The following ADCY5 variants were observed in gnomAD, a reference collection of about 807,000 sequenced individuals.
The protein encoded by ADCY5 is adenylate cyclase 5.
ADCY5 carries 30 observed loss-of-function variants against 119.7 expected under a neutral mutation model. That is an observed-to-expected ratio of 0.25 (90% CI 0.19 to 0.34). ADCY5 has a LOEUF of 0.34. ADCY5 is among the 10% of genes least tolerant of loss of function. ADCY5 has a pLI of 1.00. For synonymous variants in ADCY5, 753 were observed against 762.2 expected (o/e 0.99, Z 0.20); for missense variants, 1,324 against 1,775.2 (o/e 0.75, Z 4.57).
chr3:123,322,221 C>T (rs1282952661), intron 8 of ADCY5, among the ~76,000 whole-genome samples: 1 of 152,238 alleles, frequency 6.6e-6, no homozygotes, highest in Non-Finnish European at 1.5e-5. Flanking sequence ...CACTCAATTC[C>T]ATCCCAGGAG....
At chr3:123,379,763 A>G (rs1360008764) in intron 1 of ADCY5, among the ~76,000 whole-genome samples, 1 of 152,170 alleles carries the variant, frequency 6.6e-6, no homozygotes, top group African/African-American at 2.4e-5. Flanking sequence ...GGAGCCTCCA[A>G]GTCTCAGCCA....
chr3:123,433,810 C>T (rs1426874031), intron 1 of ADCY5, among the ~76,000 whole-genome samples: 1 of 152,166 alleles, frequency 6.6e-6, no homozygotes, highest in African/African-American at 2.4e-5. Context: ...TGTGCGGCAG[C>T]CTCACCCCAG....
At chr3:123,430,611 C>T (rs1032465670) in intron 1 of ADCY5, among the ~76,000 whole-genome samples, 4 of 152,234 alleles carry the variant, frequency 2.6e-5, no homozygotes, top group African/African-American at 4.8e-5. Flanking sequence ...AGAAATATTC[C>T]ACTTTAAAAA....
chr3:123,324,191 G>T (rs1941358088), intron 8 of ADCY5, among the ~76,000 whole-genome samples: 1 of 152,068 alleles, frequency 6.6e-6, no homozygotes, highest in Non-Finnish European at 1.5e-5. Flanking sequence ...CGTATCATCT[G>T]CTACATGTTG....
At chr3:123,296,257 C>A (rs1939499529) in intron 16 of ADCY5, 41 bp from the exon 17 acceptor site, 1 of 1,600,094 alleles carries the variant, frequency 6.2e-7, no homozygotes, top group Non-Finnish European at 8.5e-7. Flanking sequence ...GGCCGTGGCT[C>A]CTCACAGCGG....
intron 1 of ADCY5, among the ~76,000 whole-genome samples, chr3:123,381,753 A>G (rs967434474): frequency 5.3e-5 from 8 of 152,234 alleles, no homozygotes; most frequent in Non-Finnish European, 1.2e-4. Context: ...CACTGCCAGC[A>G]CTAGATCCAG....
chr3:123,425,251 T>A (rs1457145100), intron 1 of ADCY5, among the ~76,000 whole-genome samples: 2 of 152,138 alleles, frequency 1.3e-5, no homozygotes, highest in Non-Finnish European at 2.9e-5. Context: ...CATTACAACG[T>A]CACACTCCAG....
chr3:123,346,607 T>TTCTCTCTC (rs72299981), intron 3 of ADCY5, among the ~76,000 whole-genome samples: 11,159 of 127,582 alleles, frequency 0.087, 627 homozygotes, highest in Non-Finnish European at 0.12. Flanking sequence ...CAGCCTCACC[T>TTCTCTCTC]TCTCTCTCTC....
intron 1 of ADCY5, among the ~76,000 whole-genome samples, chr3:123,420,685 G>A (rs528885512): frequency 5.9e-5 from 9 of 152,328 alleles, no homozygotes; most frequent in East Asian, 3.9e-4. Context: ...TCAGGGCAGC[G>A]GTGAGGGGCA....
At chr3:123,379,206 T>A (rs1943945454) in intron 1 of ADCY5, among the ~76,000 whole-genome samples, 1 of 152,052 alleles carries the variant, frequency 6.6e-6, no homozygotes, top group Non-Finnish European at 1.5e-5. Context: ...CCCACCCACA[T>A]ACAGGTTCCT....
chr3:123,326,293 T>C (rs986510789), intron 7 of ADCY5, among the ~76,000 whole-genome samples: 5 of 152,184 alleles, frequency 3.3e-5, no homozygotes, highest in African/African-American at 4.8e-5. Context: ...CCCCAGGATC[T>C]CATCTATCTG....
At chr3:123,360,564 C>T (rs955717307) in intron 1 of ADCY5, among the ~76,000 whole-genome samples, 1 of 152,122 alleles carries the variant, frequency 6.6e-6, no homozygotes, top group African/African-American at 2.4e-5. Context: ...GGCATTAATG[C>T]CCTCTAAGTC....
chr3:123,288,129 G>GCCAATT (rs1386944593), intron 19 of ADCY5, among the ~76,000 whole-genome samples: 9 of 152,212 alleles, frequency 5.9e-5, no homozygotes, highest in Admixed American at 6.5e-5. Flanking sequence ...TGCAAACCTG[G>GCCAATT]CCAAGCCCAC....
intron 1 of ADCY5, among the ~76,000 whole-genome samples, chr3:123,438,773 C>A (rs1266478956): frequency 6.6e-6 from 1 of 152,136 alleles, no homozygotes; most frequent in Admixed American, 6.6e-5. Context: ...GAGACAGGGT[C>A]TCTCACTTTG....
chr3:123,378,532 G>A (rs1318350438), intron 1 of ADCY5, among the ~76,000 whole-genome samples: 1 of 152,172 alleles, frequency 6.6e-6, no homozygotes, highest in African/African-American at 2.4e-5. Flanking sequence ...GGAGGGAGGC[G>A]ATGACTGAGC....
At chr3:123,292,028 T>C (rs528623363) in intron 17 of ADCY5, among the ~76,000 whole-genome samples, 2 of 152,306 alleles carry the variant, frequency 1.3e-5, no homozygotes, top group South Asian at 4.2e-4. Flanking sequence ...TATGGGATTT[T>C]TTGGTCACCC....
At chr3:123,440,986 C>T (rs552026657) in intron 1 of ADCY5, among the ~76,000 whole-genome samples, 13 of 152,338 alleles carry the variant, frequency 8.5e-5, no homozygotes, top group African/African-American at 3.1e-4. Context: ...TGCATGTATG[C>T]ACTGATTGTG....
chr3:123,287,058 C>G (rs549636394), intron 19 of ADCY5: 1 of 436,466 alleles, frequency 2.3e-6, no homozygotes, highest in Non-Finnish European at 4.0e-6. Flanking sequence ...TCTTCAAGGT[C>G]TCTAGTGACC....
chr3:123,338,116 C>G (rs1190172054), intron 3 of ADCY5, among the ~76,000 whole-genome samples: 2 of 151,680 alleles, frequency 1.3e-5, no homozygotes, highest in African/African-American at 2.4e-5. Context: ...GTGAGGAGCT[C>G]CACGTGCCTT....
Sources: allele counts gnomAD v4.1 joint callset (sites outside exome capture counted in the v4.1 genomes callset), GRCh38; gene constraint gnomAD v4.1.1; transcripts MANE v1.5; gene names NCBI Gene and HGNC (gene_info 2026-07-23, HGNC 2026-07-21).